Variants in MARCHF4 observed in about 807,000 individuals in gnomAD.
MARCHF4 encodes the protein E3 ubiquitin-protein ligase MARCHF4.
Under a neutral mutation model 43.9 loss-of-function variants are expected in MARCHF4, and 14 were observed. That is an observed-to-expected ratio of 0.32 (90% CI 0.21 to 0.50). MARCHF4 has a LOEUF of 0.50. MARCHF4 is among the 20% of genes least tolerant of loss of function. The pLI, the probability that MARCHF4 is intolerant of heterozygous loss-of-function variation, is 0.98. For missense variants in MARCHF4, 468 were observed against 536.7 expected (o/e 0.87, Z 1.27); for synonymous variants, 226 against 213.3 (o/e 1.06, Z -0.52).
At position 216,312,810 on chromosome 2, in the gene MARCHF4, T is replaced by C. The variant is rs539566798; in HGVS notation, c.517-29081A>G. Among the ~76,000 whole-genome samples the C allele has an allele frequency of 3.9e-4, 59 of 152,278 alleles. 1 individual carries two copies. The highest frequency in any genetic ancestry group is 1.4e-3 in the African/African-American group (58 of 41,560). On this transcript the variant is annotated intron_variant, in intron 1 of 3. Transcript: ENST00000273067. ...TTGTCAGAGGCATAATTTGCAATTA[T>C]TTTCTCCCATTCTATAGGTTGTCTG...
chr2:216,338,102 T>C (rs1692185080), intron 1 of MARCHF4, among the ~76,000 whole-genome samples: 1 of 152,218 alleles, frequency 6.6e-6, no homozygotes, highest in Non-Finnish European at 1.5e-5. Flanking sequence ...TTATTGGCTA[T>C]GACCAGGCCC....
intron 1 of MARCHF4, among the ~76,000 whole-genome samples, chr2:216,367,825 T>C (rs1270259698): frequency 2.0e-5 from 3 of 152,250 alleles, no homozygotes; most frequent in African/African-American, 7.2e-5. Flanking sequence ...CTTTTTCTTT[T>C]TTCAATAAAA....
At chr2:216,294,541 A>G (rs1342820248) in intron 1 of MARCHF4, among the ~76,000 whole-genome samples, 2 of 152,256 alleles carry the variant, frequency 1.3e-5, no homozygotes, top group Non-Finnish European at 2.9e-5. Flanking sequence ...CTAAGAATCA[A>G]TTCCAGCTCT....
chr2:216,276,008 G>T (rs1407492434), intron 3 of MARCHF4, among the ~76,000 whole-genome samples: 1 of 152,248 alleles, frequency 6.6e-6, no homozygotes, highest in East Asian at 1.9e-4. Flanking sequence ...GCCAACCTCA[G>T]CAGAACCAAA....
intron 3 of MARCHF4, among the ~76,000 whole-genome samples, chr2:216,261,048 C>T (rs1378656096): frequency 1.3e-5 from 2 of 152,126 alleles, no homozygotes; most frequent in African/African-American, 2.4e-5. Context: ...AAGCCATTTC[C>T]TGAGAAGTGG....
At chr2:216,367,563 C>G (rs1257299653) in intron 1 of MARCHF4, among the ~76,000 whole-genome samples, 1 of 152,208 alleles carries the variant, frequency 6.6e-6, no homozygotes, top group Non-Finnish European at 1.5e-5. Context: ...GGCTCCTGCA[C>G]AGATAAGGTA....
chr2:216,336,742 TAAAAAAAAAAA>T (rs58031229), intron 1 of MARCHF4, among the ~76,000 whole-genome samples: 3 of 55,682 alleles, frequency 5.4e-5, no homozygotes, highest in Non-Finnish European at 7.6e-5. Context: ...CAAATAGATT[TAAAAAAAAAAA>T]AAAAAAAAAA....
chr2:216,269,295 A>C (rs1231804351), intron 3 of MARCHF4, among the ~76,000 whole-genome samples: 1 of 152,186 alleles, frequency 6.6e-6, no homozygotes, highest in Non-Finnish European at 1.5e-5. Context: ...AAATCCTAAT[A>C]ACTTGACCCA....
At chr2:216,310,242 T>G (rs1046753422) in intron 1 of MARCHF4, among the ~76,000 whole-genome samples, 4 of 152,248 alleles carry the variant, frequency 2.6e-5, no homozygotes, top group Middle Eastern at 3.4e-3. Context: ...GGGGCAGTAC[T>G]AATCATTAGA....
chr2:216,297,488 C>A (rs1309676264), intron 1 of MARCHF4, among the ~76,000 whole-genome samples: 2 of 152,126 alleles, frequency 1.3e-5, no homozygotes. Flanking sequence ...AGGAGAGAGG[C>A]CATAGCCCAT....
intron 3 of MARCHF4, among the ~76,000 whole-genome samples, chr2:216,268,520 C>T (rs1226662879): frequency 6.6e-6 from 1 of 152,222 alleles, no homozygotes; most frequent in Non-Finnish European, 1.5e-5. Context: ...TCTTCTCTCT[C>T]CTGCTGCCTT....
In MARCHF4 at chr2:216,258,339, G is replaced by C. The variant is rs1690685155; in HGVS notation, c.*973C>G. 1 of 152,486 alleles carries C rather than the reference G, an allele frequency of 6.6e-6. No individual in the cohort carries two copies. The highest frequency in any genetic ancestry group is 6.5e-5 in the Admixed American group (1 of 15,280). 9.4% of individuals were successfully genotyped at this position (152,486 alleles called of 1,614,324 possible). On this transcript the variant is annotated 3_prime_UTR_variant, in exon 4 of 4. Coordinates refer to ENST00000273067, the MANE Select transcript of MARCHF4 (RefSeq NM_020814.3). ...GGGTGCCCTACCGTGAGGGGACTGG[G>C]TCTGTGCATGTGCCAAGACAAGAAG...
At chr2:216,309,502 T>A (rs1691646522) in intron 1 of MARCHF4, among the ~76,000 whole-genome samples, 1 of 152,182 alleles carries the variant, frequency 6.6e-6, no homozygotes, top group Non-Finnish European at 1.5e-5. Flanking sequence ...TCCTAGGGTG[T>A]ACATATAACC....
intron 1 of MARCHF4, among the ~76,000 whole-genome samples, chr2:216,292,080 T>C (rs936870860): frequency 6.6e-5 from 10 of 152,322 alleles, no homozygotes; most frequent in African/African-American, 2.2e-4. Context: ...AACCATATTG[T>C]GTTTTCCTCT....
At chr2:216,335,810 GT>G (rs746088775) in intron 1 of MARCHF4, among the ~76,000 whole-genome samples, 1 of 152,156 alleles carries the variant, frequency 6.6e-6, no homozygotes, top group Non-Finnish European at 1.5e-5. Context: ...GCTCATGCCT[GT>G]AATCCCAGAA....
At chr2:216,336,769 C>CAAAAAAAAAAAAAAAAAAAAAAAA (rs1453857917) in intron 1 of MARCHF4, among the ~76,000 whole-genome samples, 1 of 66,866 alleles carries the variant, frequency 1.5e-5, no homozygotes, top group Non-Finnish European at 3.1e-5. Flanking sequence ...AAAAAAAAAG[C>CAAAAAAAAAAAAAAAAAAAAAAAA]TTTCTGGAAA....
At chr2:216,292,255 A>C (rs1691321188) in intron 1 of MARCHF4, among the ~76,000 whole-genome samples, 1 of 152,258 alleles carries the variant, frequency 6.6e-6, no homozygotes, top group African/African-American at 2.4e-5. Flanking sequence ...AGAGAAAGTT[A>C]AGGGACAGAG....
intron 1 of MARCHF4, among the ~76,000 whole-genome samples, chr2:216,300,797 T>C (rs1287879080): frequency 6.6e-5 from 10 of 152,190 alleles, no homozygotes; most frequent in Admixed American, 2.6e-4. Context: ...GTCTGGAATT[T>C]GAAGACTAAA....
intron 3 of MARCHF4, among the ~76,000 whole-genome samples, chr2:216,261,721 T>C (rs1311517639): frequency 6.6e-6 from 1 of 152,098 alleles, no homozygotes. Flanking sequence ...ATAGAAGCCA[T>C]CATTGTAGAG....
Sources: allele counts gnomAD v4.1 joint callset (sites outside exome capture counted in the v4.1 genomes callset), GRCh38; gene constraint gnomAD v4.1.1; transcripts MANE v1.5; gene names NCBI Gene and HGNC (gene_info 2026-07-23, HGNC 2026-07-21).